Variants in FRMPD1 observed in about 807,000 individuals in gnomAD.
FRMPD1 encodes FERM and PDZ domain-containing protein 1.
A neutral mutation model predicts 117.8 loss-of-function variants in FRMPD1; 76 were observed. That is an observed-to-expected ratio of 0.65 (90% CI 0.54 to 0.78). The LOEUF (loss-of-function observed/expected upper bound fraction) is 0.78, where lower values mean the gene tolerates loss of function less well. FRMPD1 is among the 30% of genes least tolerant of loss of function. The pLI, the probability that FRMPD1 is intolerant of heterozygous loss-of-function variation, is 0.00. For missense variants in FRMPD1, 1,786 were observed against 1,964.5 expected, an observed-to-expected ratio of 0.91 and a Z score of 1.72; for synonymous variants, 783 against 770.4, an observed-to-expected ratio of 1.02 and a Z score of -0.27.
At chr9:37,619,810 TG>T in the FRMPD1 span, among the ~76,000 whole-genome samples, 23 of 150,986 alleles carry the variant, frequency 1.5e-4, 1 homozygote, top group South Asian at 4.7e-3. Flanking sequence ...ACATATTATG[TG>T]GGGACCCTGC....
rs1039536976 is a variant in FRMPD1, at chr9:37,716,889, T to C, written c.409-2180T>C. 3.9e-5 allele frequency among the ~76,000 whole-genome samples: 6 copies of C among 152,326 alleles called. No individual in the cohort carries two copies. The South Asian group carries it at 1.2e-3, about 32-fold the overall frequency. Reference sequence around the variant, plus strand: ...CCCCCCAAATTCTTGCTGCCTGATATCTGATGACACCTTGCAGCTCTGTCC... The same window carrying C: ...CCCCCCAAATTCTTGCTGCCTGATACCTGATGACACCTTGCAGCTCTGTCC... On this transcript the variant is annotated intron_variant, in intron 5 of 15. Coordinates refer to ENST00000377765, the MANE Select transcript of FRMPD1 (RefSeq NM_014907.3).
chr9:37,696,093 G>A (rs1420655335), intron 2 of FRMPD1, among the ~76,000 whole-genome samples: 2 of 118,964 alleles, frequency 1.7e-5, no homozygotes, highest in Non-Finnish European at 3.2e-5. Context: ...AGAAGTCATC[G>A]AGCTCTTTCC....
At chr9:37,605,384 T>C in the FRMPD1 span, among the ~76,000 whole-genome samples, 7 of 152,124 alleles carry the variant, frequency 4.6e-5, no homozygotes, top group Non-Finnish European at 5.9e-5. Flanking sequence ...CCTTACTGCA[T>C]TGAAAGGGGT....
intron 1 of FRMPD1, among the ~76,000 whole-genome samples, chr9:37,683,392 G>A (rs1821798438): frequency 1.3e-5 from 2 of 152,254 alleles, no homozygotes; most frequent in Non-Finnish European, 2.9e-5. Context: ...ATAATGGAAT[G>A]TAAGCCTTAC....
chr9:37,733,791 CAT>C lies in FRMPD1; in HGVS notation c.1187_1188del (p.Tyr396TrpfsTer6). 1.9e-6 allele frequency: 3 copies of C among 1,600,214 alleles called. No individual in the cohort carries two copies. The highest frequency in any genetic ancestry group is 2.6e-6 in the Non-Finnish European group (3 of 1,167,456). On this transcript the variant is annotated frameshift_variant, in exon 12 of 16. Coordinates refer to ENST00000377765, the MANE Select transcript of FRMPD1 (RefSeq NM_014907.3). LOFTEE classifies it high-confidence loss of function. ...CTACAGATCCTCGGAGAACTCAAGA[CAT>C]ATGGTGGAAGAATCTTTAATGCTAC...
intron 7 of FRMPD1, among the ~76,000 whole-genome samples, chr9:37,726,382 A>C (rs1018724979): frequency 2.0e-5 from 3 of 152,200 alleles, no homozygotes; most frequent in African/African-American, 7.2e-5. Context: ...AGGCATTTCT[A>C]TATCACCAAC....
the FRMPD1 span, among the ~76,000 whole-genome samples, chr9:37,606,470 C>A: frequency 6.6e-6 from 1 of 152,086 alleles, no homozygotes. Flanking sequence ...TCACACTGCC[C>A]ATGGACAAAA....
At chr9:37,651,289 C>T (rs1820665758) in intron 1 of FRMPD1, among the ~76,000 whole-genome samples, 195 bp downstream of exon 1, 1 of 152,210 alleles carries the variant, frequency 6.6e-6, no homozygotes, top group Admixed American at 6.5e-5. Flanking sequence ...GACCTGCCAT[C>T]GTGAACTGTT....
chr9:37,669,472 G>A (rs1821275542), intron 1 of FRMPD1, among the ~76,000 whole-genome samples: 1 of 152,184 alleles, frequency 6.6e-6, no homozygotes. Context: ...TGAAGTTACA[G>A]AACCATTGCC....
chr9:37,706,718 G>A (rs1367116020), intron 2 of FRMPD1, among the ~76,000 whole-genome samples: 1 of 152,168 alleles, frequency 6.6e-6, no homozygotes, highest in Non-Finnish European at 1.5e-5. Flanking sequence ...TGGAAACCTT[G>A]CAGTTACAAA....
At chr9:37,726,953 C>T (rs1050837429) in intron 7 of FRMPD1, among the ~76,000 whole-genome samples, 4 of 152,040 alleles carry the variant, frequency 2.6e-5, no homozygotes. Flanking sequence ...GTATGGTGGA[C>T]TTAGAAAGAT....
At chr9:37,743,848 T>A (rs11794606) in intron 15 of FRMPD1, among the ~76,000 whole-genome samples, 53 of 150,432 alleles carry the variant, frequency 3.5e-4, no homozygotes, top group African/African-American at 1.2e-3. Flanking sequence ...CTGTGAGCCG[T>A]CACACCACTG....
At chr9:37,693,385 A>G (rs1283267379) in intron 2 of FRMPD1, 1 of 152,312 alleles carries the variant, frequency 6.6e-6, no homozygotes, top group African/African-American at 2.4e-5. Context: ...GCCCTGCCAC[A>G]GAGATGAAAT....
Position 37,729,833 on chromosome 9 carries a change from G to A in FRMPD1, c.718G>A (p.Glu240Lys), listed in dbSNP as rs773210696. The part of the protein sequence containing the change: ...YSISRLHLLH[E>K]EELIQQVVER... The stretch of plus-strand genomic sequence containing the variant: ...CATCTCCCGGCTGCACCTGCTGCAC[G>A]AAGAGGAACTCATCCAGCAGGTAGG... Residue 240 changes from glutamate to lysine, a missense_variant, in exon 8 of 16, where the codon GAA becomes AAA. Transcript: ENST00000377765. The A allele has an allele frequency of 3.7e-6, 6 of 1,613,782 alleles. No homozygotes were observed. The highest frequency in any genetic ancestry group is 1.7e-5 in the Admixed American group (1 of 60,014).
Position 37,746,679 on chromosome 9 carries a change from G to C in FRMPD1, c.4647G>C (p.Leu1549=). The C allele has an allele frequency of 6.2e-7, 1 of 1,614,140 alleles. No individual in the cohort carries two copies. The highest frequency in any genetic ancestry group is 1.1e-5 in the South Asian group (1 of 91,088). ...KSTCERGYHD[L]SVKLLARQCT... ...CCTGCGAGAGAGGCTACCACGACCT[G>C]AGTGTGAAACTCCTGGCCCGTCAGT... The change falls in exon 16 of 16, where the codon CTG becomes CTC. Residue 1549 remains leucine (L), a synonymous_variant. Coordinates refer to ENST00000377765, the MANE Select transcript of FRMPD1 (RefSeq NM_014907.3).
upstream of FRMPD1, among the ~76,000 whole-genome samples, chr9:37,647,466 C>G (rs957667099): frequency 6.7e-6 from 1 of 149,512 alleles, no homozygotes; most frequent in East Asian, 2.0e-4. Context: ...GAGCCGAGAT[C>G]GCGCCACTGC....
the FRMPD1 span, among the ~76,000 whole-genome samples, chr9:37,632,092 A>G: frequency 6.6e-6 from 1 of 152,226 alleles, no homozygotes; most frequent in Non-Finnish European, 1.5e-5. Flanking sequence ...ATGTACAATA[A>G]TGGGATTATT....
At chr9:37,639,783 C>T in the FRMPD1 span, among the ~76,000 whole-genome samples, 1 of 152,276 alleles carries the variant, frequency 6.6e-6, no homozygotes, top group African/African-American at 2.4e-5. Context: ...GCCTCAGCCA[C>T]CCAAGTAACT....
At chr9:37,726,821 G>A (rs993853395) in intron 7 of FRMPD1, among the ~76,000 whole-genome samples, 3 of 152,258 alleles carry the variant, frequency 2.0e-5, no homozygotes, top group African/African-American at 7.2e-5. Context: ...ACAATGAAAC[G>A]AGGTACCGGT....
Sources: gnomAD v4.1 joint callset for allele counts (sites outside exome capture counted in the v4.1 genomes callset) on GRCh38, gnomAD v4.1.1 for gene constraint, MANE v1.5 for transcripts, NCBI Gene and HGNC (gene_info 2026-07-23, HGNC 2026-07-21) for gene names.